Variants in HEPH observed in about 807,000 individuals in gnomAD.
HEPH encodes the protein hephaestin.
In HEPH, 69 loss-of-function variants were observed where a neutral mutation model predicts 80.8. The ratio of observed to expected loss-of-function variants is 0.85; its 90% CI spans 0.70 to 1.04. The LOEUF is 1.04. Among genes scored for constraint, HEPH ranks in the 50% least tolerant of loss-of-function variants. The probability of loss-of-function intolerance (pLI) is 0.00; values close to 1 mark genes in which losing one functional copy is unlikely to be tolerated. For synonymous variants in HEPH, 431 were observed against 322.8 expected, an observed-to-expected ratio of 1.34 and a Z score of -3.60; for missense variants, 1,115 against 891.3, an observed-to-expected ratio of 1.25 and a Z score of -3.20.
At chrX:66,192,068 G>T in intron 6 of HEPH, 62 bp from the exon 7 acceptor site, 4 of 1,073,100 alleles carry the variant, frequency 3.7e-6, no homozygotes, top group Non-Finnish European at 5.1e-6. Context: ...GGAGGAAGGT[G>T]AGTCCTCTGG....
chrX:66,221,401 A>T (rs1011068578), intron 15 of HEPH, among the ~76,000 whole-genome samples: 3 of 112,802 alleles, frequency 2.7e-5, no homozygotes, highest in African/African-American at 9.7e-5. Flanking sequence ...TACTTGGTTA[A>T]TCTAGCATTT....
chrX:66,192,288 G>A lies in HEPH; in HGVS notation c.1222G>A (p.Glu408Lys). Residue 408 changes from glutamate (E) to lysine (K), a missense_variant, in exon 7 of 21, where the codon GAG becomes AAG. Physicochemically the swap from Glu to Lys is moderately conservative, Grantham distance 56. Transcript: ENST00000343002. ...TGGGAGTACTGGGAAGAATTTGAGA[G>A]AGCCAGGCAGGTAAGAGGCAGTGGG... ...HDGSTGKNLR[E>K]PGSISDKFFQ... 1 of 1,207,353 alleles carries A rather than the reference G, an allele frequency of 8.3e-7. No homozygotes were observed. The highest frequency in any genetic ancestry group is 1.8e-5 in the South Asian group (1 of 56,380).
chrX:66,266,312 G>A, intron 20 of HEPH, 128 bp from the exon 21 acceptor site: 1 of 476,929 alleles, frequency 2.1e-6, no homozygotes, highest in Non-Finnish European at 3.6e-6. Context: ...AGCTAGTTTT[G>A]TGAAGGATAA....
At chrX:66,257,327 G>T (rs973052697) in intron 17 of HEPH, among the ~76,000 whole-genome samples, 13 of 111,381 alleles carry the variant, frequency 1.2e-4, no homozygotes, top group Admixed American at 1.1e-3. Flanking sequence ...CACTCTTCAG[G>T]TATAAGTCTA....
intron 4 of HEPH, among the ~76,000 whole-genome samples, chrX:66,174,512 C>T (rs1422432145): frequency 1.8e-5 from 2 of 111,732 alleles, no homozygotes; most frequent in East Asian, 5.6e-4. Context: ...TTCTTTTCCT[C>T]TGGGTAGATG....
chrX:66,213,548 A>C (rs1290325962), intron 15 of HEPH, among the ~76,000 whole-genome samples: 1 of 111,921 alleles, frequency 8.9e-6, no homozygotes, highest in Admixed American at 9.5e-5. Context: ...TTTACTATGT[A>C]TTTTTATTAT....
At chrX:66,248,899 C>T (rs768922060) in intron 15 of HEPH, among the ~76,000 whole-genome samples, 43 of 111,578 alleles carry the variant, frequency 3.9e-4, no homozygotes, top group African/African-American at 9.4e-4. Context: ...GAGAAGTTTG[C>T]GGATTTTACA....
At chrX:66,164,757 G>A (rs780941996) in intron 1 of HEPH, among the ~76,000 whole-genome samples, 1 of 112,178 alleles carries the variant, frequency 8.9e-6, no homozygotes, top group East Asian at 2.8e-4. Flanking sequence ...CTCATCTTCT[G>A]TTTCACAGGT....
intron 19 of HEPH, among the ~76,000 whole-genome samples, chrX:66,260,648 T>C (rs1382248028): frequency 8.9e-6 from 1 of 112,705 alleles, no homozygotes; most frequent in Non-Finnish European, 1.9e-5. Context: ...TTAGAGTAAC[T>C]GATTATTTCA....
intron 17 of HEPH, among the ~76,000 whole-genome samples, chrX:66,256,585 C>G (rs1215549782): frequency 9.0e-6 from 1 of 111,651 alleles, no homozygotes; most frequent in African/African-American, 3.3e-5. Flanking sequence ...ATGGCGATAC[C>G]AGAAAATTTT....
intron 12 of HEPH, among the ~76,000 whole-genome samples, chrX:66,201,723 T>A (rs1010179981): frequency 2.7e-5 from 3 of 112,169 alleles, no homozygotes; most frequent in South Asian, 3.7e-4. Flanking sequence ...AATATTAACC[T>A]AGTCCTGAGT....
In HEPH at chrX:66,264,284, A is replaced by AAT. The variant is rs4039020; in HGVS notation, c.3244+609_3244+610dup. Among the ~76,000 whole-genome samples the AAT allele has an allele frequency of 6.9e-3, 728 of 105,220 alleles. 9 individuals are homozygous for AAT. The highest frequency in any genetic ancestry group is 0.022 in the African/African-American group (630 of 29,256). The allele number at this position is 105,220 out of a possible 115,157, so 91.4% of individuals were successfully genotyped here. ...ATATATATGTAAAATATATATATTA[A>AAT]ATATATATATATATTAAATCTAGGT... is the stretch of plus-strand genomic sequence containing the variant. On this transcript the variant is annotated intron_variant, in intron 20 of 20. Coordinates refer to ENST00000343002, the MANE Select transcript of HEPH (RefSeq NM_001367233.3).
At chrX:66,172,303 T>TC (rs2086625022) in intron 2 of HEPH, 52 bp from the exon 3 acceptor site, 1 of 1,142,190 alleles carries the variant, frequency 8.8e-7, no homozygotes. Flanking sequence ...AAGGAACCTC[T>TC]CAAGGCTTGA....
At chrX:66,239,102 TGTTTATGGCCAGTTTTGGGGCCA>T (rs2090470749) in intron 15 of HEPH, among the ~76,000 whole-genome samples, 1 of 112,381 alleles carries the variant, frequency 8.9e-6, no homozygotes, top group South Asian at 3.7e-4. Context: ...GCAGATATTT[TGTTTATGGCCAGTTTTGGGGCCA>T]GTTTATGGCC....
intron 4 of HEPH, among the ~76,000 whole-genome samples, 171 bp from the exon 5 acceptor site, chrX:66,188,188 A>T (rs2087582698): frequency 8.9e-6 from 1 of 111,837 alleles, no homozygotes; most frequent in East Asian, 2.8e-4. Context: ...TGGTGGTTTT[A>T]AATGGGGAGT....
chrX:66,239,368 C>G (rs1356823164), intron 15 of HEPH, among the ~76,000 whole-genome samples: 1 of 111,620 alleles, frequency 9.0e-6, no homozygotes, highest in African/African-American at 3.3e-5. Context: ...TCCATCTATT[C>G]TCAGTATCTT....
At chrX:66,250,259 T>A in intron 15 of HEPH, among the ~76,000 whole-genome samples, 1 of 111,805 alleles carries the variant, frequency 8.9e-6, no homozygotes, top group South Asian at 3.8e-4. Flanking sequence ...GTTGATTGTA[T>A]GAGTGAAAAA....
chrX:66,209,038 T>C (rs1040101582), intron 15 of HEPH, among the ~76,000 whole-genome samples: 1 of 111,301 alleles, frequency 9.0e-6, no homozygotes, highest in African/African-American at 3.3e-5. Context: ...AATAAACACT[T>C]ACTGGAGGCC....
intron 20 of HEPH, 29 bp downstream of exon 20, chrX:66,263,717 C>A (rs757184618): frequency 1.7e-6 from 2 of 1,182,134 alleles, no homozygotes; most frequent in South Asian, 3.6e-5. Flanking sequence ...AGACTGGGTA[C>A]TTATACATAG....
Sources: allele counts gnomAD v4.1 joint callset (sites outside exome capture counted in the v4.1 genomes callset), GRCh38; gene constraint gnomAD v4.1.1; transcripts MANE v1.5; gene names NCBI Gene and HGNC (gene_info 2026-07-23, HGNC 2026-07-21).